Variants in ROGDI observed in about 807,000 individuals in gnomAD.
ROGDI encodes the protein rogdi atypical leucine zipper.
Under a neutral mutation model 43.1 loss-of-function variants are expected in ROGDI, and 46 were observed. The observed-to-expected ratio is 1.07, with a 90% confidence interval of 0.84 to 1.37. The LOEUF (loss-of-function observed/expected upper bound fraction) is 1.37. ROGDI is among the 40% of genes most tolerant of loss of function. The pLI is 0.00. For synonymous variants in ROGDI, 243 were observed against 162.0 expected, an observed-to-expected ratio of 1.50 and a Z score of -3.80; for missense variants, 518 against 383.9, an observed-to-expected ratio of 1.35 and a Z score of -2.92.
chr16:4,802,405 T>C lies in ROGDI; in HGVS notation c.94A>G (p.Lys32Glu). The C allele has an allele frequency of 6.4e-7, 1 of 1,562,198 alleles. No homozygotes were observed. Among genetic ancestry groups the C allele is most frequent in the Non-Finnish European group, 8.6e-7 (1 of 1,158,850 alleles). Residue 32 changes from lysine to glutamate, a missense_variant, in exon 2 of 11, where the codon AAG becomes GAG. Lys to Glu is a moderately conservative substitution (Grantham distance 56). Transcript: ENST00000322048. ...LLHDEVHAVLKQLQDILKEAS... is the reference protein window; with the variant it reads ...LLHDEVHAVLEQLQDILKEAS... Reference sequence around the variant, plus strand: ...ACCTTGAGGATGTCCTGCAGCTGCTTCAACACAGCGTGCACCTCGTCGTGC... The same window carrying C: ...ACCTTGAGGATGTCCTGCAGCTGCTCCAACACAGCGTGCACCTCGTCGTGC...
chr16:4,801,904 T>C (rs2082729349), intron 2 of ROGDI: 2 of 567,204 alleles, frequency 3.5e-6, no homozygotes, highest in Non-Finnish European at 6.5e-6. Context: ...AAGGCAGTAG[T>C]TATGGTAACC....
chr16:4,801,668 C>T, intron 2 of ROGDI, 83 bp from the exon 3 acceptor site: 2 of 1,309,726 alleles, frequency 1.5e-6, no homozygotes, highest in South Asian at 2.5e-5. Flanking sequence ...CCCCTCCCTC[C>T]AAGTCAGCGG....
At chr16:4,798,757 C>T in intron 6 of ROGDI, 90 bp from the exon 7 acceptor site, 1 of 1,083,796 alleles carries the variant, frequency 9.2e-7, no homozygotes, top group Non-Finnish European at 1.3e-6. Context: ...TCCCACCCAG[C>T]CCAGTGGCTA....
chr16:4,800,699 T>C, intron 4 of ROGDI, 121 bp from the exon 5 acceptor site: 1 of 791,188 alleles, frequency 1.3e-6, no homozygotes, highest in Non-Finnish European at 2.1e-6. Flanking sequence ...GGCCGCTGTA[T>C]AGGGCAGAGG....
chr16:4,801,064 CCCTCTCCTG>C (rs1354918199), intron 4 of ROGDI, 194 bp downstream of exon 4: 1 of 533,588 alleles, frequency 1.9e-6, no homozygotes, highest in Non-Finnish European at 3.3e-6. Flanking sequence ...TGCAAAGAAC[CCCTCTCCTG>C]CACCTCTTAC....
chr16:4,797,910 C>A (rs753552648), intron 9 of ROGDI, 28 bp downstream of exon 9: 2 of 1,599,416 alleles, frequency 1.3e-6, no homozygotes, highest in Middle Eastern at 1.7e-4. Context: ...GGTGGGCGTG[C>A]CTGGACCCCC....
intron 7 of ROGDI, 96 bp from the exon 8 acceptor site, chr16:4,798,280 C>A (rs2082679148): frequency 2.0e-6 from 2 of 993,968 alleles, no homozygotes; most frequent in Admixed American, 4.0e-5. Flanking sequence ...GCAGGGGATC[C>A]CAGTCCCCAC....
In ROGDI at chr16:4,798,038, C is replaced by T. The variant is rs181906627; in HGVS notation, c.645+33G>A. 1.8e-3 allele frequency: 2,968 copies of T among 1,613,300 alleles called. 42 individuals carry two copies. In the Admixed American group the frequency reaches 0.029, roughly 16 times the overall value. On this transcript the variant is annotated intron_variant, in intron 8 of 10. Transcript: ENST00000322048. ...CAGGCCTTGCAGGGCGTGTGCATGG[C>T]GGGCAGTGGGCCGGGCAGGGGTCCC...
chr16:4,801,306 C>T lies in ROGDI; in HGVS notation c.216G>A (p.Lys72=). ...CATCCCCCTGCAGAGTCAGCACACC[C>T]TTCACCTGGTCTGTGCTGTAACATG... ...ILGSCGTDQV[K]GVLTLQGDAL... The change falls in exon 4 of 11, where the codon AAG becomes AAA. Residue 72 remains lysine, a synonymous_variant. Coordinates refer to ENST00000322048, the MANE Select transcript of ROGDI (RefSeq NM_024589.3). The T allele has an allele frequency of 6.2e-7, 1 of 1,609,388 alleles. No individual in the cohort carries two copies. Among genetic ancestry groups the T allele is most frequent in the South Asian group, 1.1e-5 (1 of 90,686 alleles).
chr16:4,801,616 T>C (rs1369254894), intron 2 of ROGDI, 31 bp from the exon 3 acceptor site: 6 of 1,553,866 alleles, frequency 3.9e-6, no homozygotes, highest in African/African-American at 1.4e-5. Flanking sequence ...GGGGAGCTGG[T>C]AGCGCCCACT....
Position 4,801,564 on chromosome 16 carries a change from G to C in ROGDI, c.139C>G (p.Leu47Val). ...GGCCCCTCAGTGCCGGAGCCCGGCA[G>C]AGTGAAGCGCAGAGAGGCCTCCTGT... Reference protein sequence around the residue: ...ILKEASLRFTLPGSGTEGPAK... With the variant: ...ILKEASLRFTVPGSGTEGPAK... Residue 47 changes from leucine to valine, a missense_variant, in exon 3 of 11, where the codon CTG becomes GTG. Transcript: ENST00000322048. 6.2e-7 allele frequency: 1 copy of C among 1,604,256 alleles called. No individual in the cohort carries two copies. Among genetic ancestry groups the C allele is most frequent in the Non-Finnish European group, 8.5e-7 (1 of 1,175,632 alleles).
At chr16:4,799,262 G>A (rs1028710266) in intron 6 of ROGDI, among the ~76,000 whole-genome samples, 1 of 152,098 alleles carries the variant, frequency 6.6e-6, no homozygotes, top group African/African-American at 2.4e-5. Flanking sequence ...ACCCTAGGGT[G>A]GTTACAGTTC....
In ROGDI at chr16:4,797,330, T is replaced by G; in HGVS notation, c.*130A>C. The G allele has an allele frequency of 3.5e-5, 26 of 753,060 alleles. No individual in the cohort carries two copies. Among genetic ancestry groups the G allele is most frequent in the Non-Finnish European group, 5.2e-5 (24 of 463,408 alleles). 46.6% of individuals were successfully genotyped at this position (753,060 alleles called of 1,614,324 possible). ...GTGTCCATTCCCGGCAGTGCAAATG[T>G]GTTAGGTGGGGTAGGGGGTGGGATA... On this transcript the variant is annotated 3_prime_UTR_variant, in exon 11 of 11. Transcript: ENST00000322048.
intron 7 of ROGDI, 35 bp downstream of exon 7, chr16:4,798,534 C>T (rs1207491858): frequency 6.7e-7 from 1 of 1,487,148 alleles, no homozygotes; most frequent in Non-Finnish European, 9.0e-7. Context: ...CTGTGGGACC[C>T]CTCTCCTGCA....
rs771427647 is a variant in ROGDI, at chr16:4,797,742, A to C, written c.794T>G (p.Leu265Arg). The change falls in exon 10 of 11, where the codon CTG (leucine) becomes CGG (arginine). Residue 265 changes from leucine to arginine, a missense_variant. Leu to Arg is a moderately radical substitution (Grantham distance 102). Transcript: ENST00000322048. ...NDALVYFTVSLQLCQQLKDKI... is the reference protein window; with the variant it reads ...NDALVYFTVSRQLCQQLKDKI... ...GTCCTTGAGCTGCTGGCAGAGCTGC[A>C]GGGAGACGGTGAAGTAGACCAGGGC... 3.3e-5 allele frequency: 48 copies of C among 1,452,604 alleles called. No individual in the cohort carries two copies. Among genetic ancestry groups the C allele is most frequent in the Non-Finnish European group, 4.0e-5 (44 of 1,092,146 alleles). The allele number at this position is 1,452,604 out of a possible 1,614,324, so 90.0% of individuals were successfully genotyped here. A position where few individuals can be genotyped will look rare whatever the true frequency, so the allele number is the denominator to read the frequency against.
At position 4,802,593 on chromosome 16, in the gene ROGDI, G is replaced by T; in HGVS notation, c.-22C>A. ...CCATGGCCGCAGGCCGCCGCCGAGCGCCCTCCCCACCGGCCGCTGCTCCTG... is the reference window on the plus strand; with the variant it reads ...CCATGGCCGCAGGCCGCCGCCGAGCTCCCTCCCCACCGGCCGCTGCTCCTG... On this transcript the variant is annotated 5_prime_UTR_variant, in exon 1 of 11. Transcript: ENST00000322048. 7.7e-7 allele frequency: 1 copy of T among 1,305,398 alleles called. No homozygotes were observed. Among genetic ancestry groups the T allele is most frequent in the Non-Finnish European group, 9.8e-7 (1 of 1,022,550 alleles). The allele number at this position is 1,305,398 out of a possible 1,614,324, so 80.9% of individuals were successfully genotyped here. A position where few individuals can be genotyped will look rare whatever the true frequency, so the allele number is the denominator to read the frequency against.
intron 6 of ROGDI, 193 bp from the exon 7 acceptor site, chr16:4,798,860 C>A (rs1359641615): frequency 1.7e-6 from 1 of 588,100 alleles, no homozygotes; most frequent in Admixed American, 3.2e-5. Context: ...GATGTCTGCA[C>A]TAATGTCAGT....
chr16:4,802,499 G>A (rs994956096), intron 1 of ROGDI, 28 bp downstream of exon 1: 10 of 1,210,836 alleles, frequency 8.3e-6, no homozygotes, highest in Admixed American at 4.5e-5. Context: ...CCGCCCCGCC[G>A]GCCCGCCCGC....
chr16:4,800,395 G>A, intron 5 of ROGDI, 103 bp downstream of exon 5: 1 of 906,818 alleles, frequency 1.1e-6, no homozygotes, highest in South Asian at 1.6e-5. Context: ...GGCTTGCTGT[G>A]GCCACAGATC....
Sources: allele counts gnomAD v4.1 joint callset (sites outside exome capture counted in the v4.1 genomes callset), GRCh38; gene constraint gnomAD v4.1.1; transcripts MANE v1.5; gene names NCBI Gene and HGNC (gene_info 2026-07-23, HGNC 2026-07-21).